The following DLC1 variants were observed in gnomAD, a reference collection of about 807,000 sequenced individuals.
The protein encoded by DLC1 is DLC1 Rho GTPase activating protein, also known as rho GTPase-activating protein 7.
Under a neutral mutation model 140.3 loss-of-function variants are expected in DLC1, and 54 were observed. The ratio of observed to expected loss-of-function variants is 0.38; its 90% CI spans 0.31 to 0.48. DLC1 has a LOEUF of 0.48. Ranked by LOEUF, DLC1 falls within the 20% of genes least tolerant of loss-of-function variation. The pLI, the probability that DLC1 is intolerant of heterozygous loss-of-function variation, is 0.96. For missense variants in DLC1, 2,536 were observed against 1,907.0 expected (o/e 1.33, Z -6.14); for synonymous variants, 986 against 728.1 (o/e 1.35, Z -5.70).
intron 5 of DLC1, among the ~76,000 whole-genome samples, chr8:13,147,660 CTTA>C (rs1040463304): frequency 4.6e-5 from 7 of 152,022 alleles, no homozygotes; most frequent in African/African-American, 7.2e-5. Flanking sequence ...GTACAGCATA[CTTA>C]TTATTATTAT....
intron 1 of DLC1, among the ~76,000 whole-genome samples, chr8:13,580,406 C>A (rs949310041): frequency 6.6e-6 from 1 of 152,198 alleles, no homozygotes; most frequent in African/African-American, 2.4e-5. Context: ...CAGGCGTGAG[C>A]CACCGCGCCC....
At chr8:13,407,551 A>C (rs922497974) in intron 2 of DLC1, among the ~76,000 whole-genome samples, 5 of 152,190 alleles carry the variant, frequency 3.3e-5, no homozygotes, top group African/African-American at 1.2e-4. Flanking sequence ...CAGCATTTGG[A>C]AGAGAACCAA....
intron 5 of DLC1, among the ~76,000 whole-genome samples, chr8:13,135,193 C>T (rs1007969015): frequency 4.1e-5 from 6 of 147,718 alleles, no homozygotes; most frequent in African/African-American, 1.5e-4. Flanking sequence ...GAGTGATAAA[C>T]AGTGAGAAGC....
intron 2 of DLC1, among the ~76,000 whole-genome samples, chr8:13,459,985 G>A (rs78411848): frequency 3.3e-5 from 5 of 151,980 alleles, no homozygotes; most frequent in African/African-American, 1.2e-4. Context: ...TGTGTCTGAA[G>A]CTACCCACCC....
At chr8:13,397,463 G>T (rs1837099720) in intron 3 of DLC1, among the ~76,000 whole-genome samples, 1 of 152,094 alleles carries the variant, frequency 6.6e-6, no homozygotes, top group African/African-American at 2.4e-5. Flanking sequence ...GTGAGAGACT[G>T]CACTGGCACT....
At chr8:13,451,350 A>G (rs1023937738) in intron 2 of DLC1, among the ~76,000 whole-genome samples, 5 of 152,132 alleles carry the variant, frequency 3.3e-5, no homozygotes, top group Non-Finnish European at 7.4e-5. Flanking sequence ...TCCCTCACGC[A>G]TCTACCCTTT....
chr8:13,548,882 C>G (rs931961380), intron 1 of DLC1, among the ~76,000 whole-genome samples: 1 of 152,034 alleles, frequency 6.6e-6, no homozygotes, highest in African/African-American at 2.4e-5. Context: ...GAAAATACTG[C>G]TCTGGGCTCC....
intron 5 of DLC1, among the ~76,000 whole-genome samples, chr8:13,116,802 C>G (rs1820593369): frequency 6.6e-6 from 1 of 152,224 alleles, no homozygotes; most frequent in Non-Finnish European, 1.5e-5. Flanking sequence ...AACCTGCCAT[C>G]TCCTGATGAG....
At chr8:13,401,394 G>A (rs1330550974) in intron 3 of DLC1, 76 bp downstream of exon 3, 1 of 1,540,370 alleles carries the variant, frequency 6.5e-7, no homozygotes, top group Non-Finnish European at 8.8e-7. Flanking sequence ...CAAGGATGTT[G>A]CCTTTGCAAG....
chr8:13,098,598 A>C, intron 9 of DLC1, 23 bp from the exon 10 acceptor site: 4 of 1,602,302 alleles, frequency 2.5e-6, no homozygotes, highest in Non-Finnish European at 3.4e-6. Flanking sequence ...AGGAGAGGAA[A>C]ATGAGTGTGA....
intron 1 of DLC1, among the ~76,000 whole-genome samples, chr8:13,510,394 C>G (rs922890916): frequency 1.3e-5 from 2 of 152,066 alleles, no homozygotes; most frequent in African/African-American, 4.8e-5. Flanking sequence ...TCAGGCTGGT[C>G]TCGAATTCTT....
intron 2 of DLC1, among the ~76,000 whole-genome samples, chr8:13,424,475 A>G (rs1180350864): frequency 1.3e-5 from 2 of 152,082 alleles, no homozygotes; most frequent in African/African-American, 2.4e-5. Flanking sequence ...GGCGACAGAG[A>G]GAGACTCTGT....
At chr8:13,312,342 CA>C (rs1832701437) in intron 4 of DLC1, among the ~76,000 whole-genome samples, 1 of 75,104 alleles carries the variant, frequency 1.3e-5, no homozygotes, top group Non-Finnish European at 2.4e-5. Flanking sequence ...GCCTGGGCGA[CA>C]GAGCGAGACT....
At chr8:13,237,939 C>CAAGA (rs953663752) in intron 5 of DLC1, among the ~76,000 whole-genome samples, 2 of 149,934 alleles carry the variant, frequency 1.3e-5, no homozygotes, top group Middle Eastern at 3.2e-3. Flanking sequence ...AGAGCAAGAG[C>CAAGA]AAGAAAGAAA....
chr8:13,123,143 G>A (rs538562957), intron 5 of DLC1, among the ~76,000 whole-genome samples: 13 of 152,270 alleles, frequency 8.5e-5, no homozygotes, highest in Non-Finnish European at 8.8e-5. Context: ...GCTATTGCAA[G>A]GTCCACGTGT....
intron 2 of DLC1, among the ~76,000 whole-genome samples, chr8:13,473,352 G>T (rs943523690): frequency 6.6e-6 from 1 of 152,142 alleles, no homozygotes; most frequent in African/African-American, 2.4e-5. Flanking sequence ...TAGTGAATAA[G>T]TCTCACGAGA....
chr8:13,348,750 A>C (rs1308711689), intron 4 of DLC1, among the ~76,000 whole-genome samples: 1 of 152,218 alleles, frequency 6.6e-6, no homozygotes, highest in African/African-American at 2.4e-5. Context: ...AATGGAAGCG[A>C]AGGTAACAGG....
At chr8:13,539,740 A>ATGTG (rs1433337591) in intron 1 of DLC1, among the ~76,000 whole-genome samples, 2 of 115,864 alleles carry the variant, frequency 1.7e-5, no homozygotes, top group African/African-American at 3.4e-5. Flanking sequence ...GCATTAAGAA[A>ATGTG]TGTGTGTGTA....
chr8:13,152,207 A>C (rs1257775200), intron 5 of DLC1, among the ~76,000 whole-genome samples: 1 of 152,228 alleles, frequency 6.6e-6, no homozygotes, highest in Non-Finnish European at 1.5e-5. Flanking sequence ...CAGCAGTGCC[A>C]GGTTTTCCAA....
Sources: gnomAD v4.1 joint callset for allele counts (sites outside exome capture counted in the v4.1 genomes callset) on GRCh38, gnomAD v4.1.1 for gene constraint, MANE v1.5 for transcripts, NCBI Gene and HGNC (gene_info 2026-07-23, HGNC 2026-07-21) for gene names.